SNX9: variants seen among roughly 807,000 people sequenced by gnomAD.
SNX9 encodes the protein sorting nexin-9.
SNX9 carries 44 observed loss-of-function variants against 89.4 expected under a neutral mutation model. The ratio of observed to expected loss-of-function variants is 0.49; its 90% CI spans 0.39 to 0.63. SNX9 has a LOEUF of 0.63. Among genes scored for constraint, SNX9 ranks in the 30% least tolerant of loss-of-function variants. The pLI is 0.00. For missense variants in SNX9, 578 were observed against 736.1 expected, an observed-to-expected ratio of 0.79 and a Z score of 2.49; for synonymous variants, 236 against 247.8, an observed-to-expected ratio of 0.95 and a Z score of 0.45.
chr6:157,864,382 C>T (rs1782209083), intron 1 of SNX9, among the ~76,000 whole-genome samples: 1 of 152,160 alleles, frequency 6.6e-6, no homozygotes, highest in African/African-American at 2.4e-5. Context: ...GGTCCAAACC[C>T]TCTAACCTTA....
intron 2 of SNX9, among the ~76,000 whole-genome samples, chr6:157,870,321 C>G (rs1382826752): frequency 2.7e-5 from 4 of 150,500 alleles, no homozygotes; most frequent in African/African-American, 9.8e-5. Flanking sequence ...CACACCTACT[C>G]TCTCACCTGC....
At chr6:157,845,295 G>C (rs1315743975) in intron 1 of SNX9, among the ~76,000 whole-genome samples, 1 of 151,828 alleles carries the variant, frequency 6.6e-6, no homozygotes, top group Admixed American at 6.6e-5. Flanking sequence ...TATTTTAGTA[G>C]AGACGGCGTT....
chr6:157,907,069 C>G (rs1297345928), intron 7 of SNX9, among the ~76,000 whole-genome samples: 3 of 152,122 alleles, frequency 2.0e-5, no homozygotes, highest in South Asian at 4.1e-4. Flanking sequence ...CTGGAAGCCT[C>G]CAAGCTGAAG....
At chr6:157,901,578 C>T (rs567930382) in intron 5 of SNX9, among the ~76,000 whole-genome samples, 5 of 151,646 alleles carry the variant, frequency 3.3e-5, no homozygotes, top group East Asian at 1.9e-4. Flanking sequence ...TTTCCCAGCA[C>T]GACTTACTAA....
In SNX9 at chr6:157,823,386, G is replaced by C; in HGVS notation, c.-49G>C. ...CCTGCGCGGCTCAGAATCACCATCCGCGGCGCGGGAGACGAGCCGGCCGTC... is the reference window on the plus strand; with the variant it reads ...CCTGCGCGGCTCAGAATCACCATCCCCGGCGCGGGAGACGAGCCGGCCGTC... On this transcript the variant is annotated 5_prime_UTR_variant, in exon 1 of 18. Coordinates refer to ENST00000392185, the MANE Select transcript of SNX9 (RefSeq NM_016224.5). This position sits in a 1 kb window ranked among gnomAD's most constrained non-coding sequence, Gnocchi z 4.6. 1 of 1,271,630 alleles carries C rather than the reference G, an allele frequency of 7.9e-7. No homozygotes were observed. The highest frequency in any genetic ancestry group is 1.0e-6 in the Non-Finnish European group (1 of 1,001,006). The allele number at this position is 1,271,630 out of a possible 1,614,324, so 78.8% of individuals were successfully genotyped here. A position where few individuals can be genotyped will look rare whatever the true frequency, so the allele number is the denominator to read the frequency against.
intron 9 of SNX9, among the ~76,000 whole-genome samples, chr6:157,912,440 A>T (rs1364786504): frequency 6.6e-6 from 1 of 152,200 alleles, no homozygotes; most frequent in Non-Finnish European, 1.5e-5. Flanking sequence ...TAAGTTCGGC[A>T]TGCAGCCAGG....
chr6:157,823,360 GC>G lies in SNX9; in HGVS notation c.-73del. On this transcript the variant is annotated 5_prime_UTR_variant, in exon 1 of 18. Coordinates refer to ENST00000392185, the MANE Select transcript of SNX9 (RefSeq NM_016224.5). The surrounding 1 kb of genome is among the most constrained non-coding windows in gnomAD (Gnocchi z 4.6). The stretch of plus-strand genomic sequence containing the variant: ...AGCCGCCGCCCTCGCCCTTGCCTTT[GC>G]CTGCGCGGCTCAGAATCACCATCCG... 8.0e-7 allele frequency: 1 copy of G among 1,253,346 alleles called. No individual in the cohort carries two copies. The highest frequency in any genetic ancestry group is 1.0e-6 in the Non-Finnish European group (1 of 988,660). 77.6% of individuals were successfully genotyped at this position (1,253,346 alleles called of 1,614,324 possible). A position where few individuals can be genotyped will look rare whatever the true frequency, so the allele number is the denominator to read the frequency against.
chr6:157,937,574 G>T (rs1390145652), intron 15 of SNX9, 51 bp downstream of exon 15: 1 of 1,185,486 alleles, frequency 8.4e-7, no homozygotes, highest in South Asian at 1.2e-5. Flanking sequence ...GAAGGAGGCA[G>T]ATGTGCGCAG....
intron 1 of SNX9, among the ~76,000 whole-genome samples, chr6:157,847,514 T>G (rs1781828372): frequency 6.6e-6 from 1 of 151,558 alleles, no homozygotes; most frequent in Non-Finnish European, 1.5e-5. Flanking sequence ...TCTATAGGAG[T>G]TTTCTTTCTG....
chr6:157,864,193 G>A (rs574312870), intron 1 of SNX9, among the ~76,000 whole-genome samples: 23 of 152,086 alleles, frequency 1.5e-4, no homozygotes, highest in Non-Finnish European at 1.5e-5. Flanking sequence ...CAGGGGTAAG[G>A]GTGTTGTGTC....
intron 5 of SNX9, among the ~76,000 whole-genome samples, chr6:157,901,248 C>T (rs1021185069): frequency 1.3e-5 from 2 of 152,228 alleles, no homozygotes; most frequent in African/African-American, 2.4e-5. Flanking sequence ...TCTTTTATTC[C>T]ATAGCAATAG....
Position 157,928,650 on chromosome 6 carries a change from C to T in SNX9, c.1236C>T (p.Gly412=), listed in dbSNP as rs1261398565. The T allele has an allele frequency of 2.5e-6, 4 of 1,610,376 alleles. No individual in the cohort carries two copies. Among genetic ancestry groups the T allele is most frequent in the Non-Finnish European group, 3.4e-6 (4 of 1,178,470 alleles). ...VGKFTKAMDD[G]VKELLTVGQE... ...AGTTCACCAAGGCCATGGATGACGGCGTGAAGGAGCTGCTGACGGTGGGGC... is the reference window on the plus strand; with the variant it reads ...AGTTCACCAAGGCCATGGATGACGGTGTGAAGGAGCTGCTGACGGTGGGGC... Residue 412 remains glycine, a synonymous_variant, in exon 12 of 18, where the codon GGC becomes GGT. Transcript: ENST00000392185.
chr6:157,909,851 TTTC>T, intron 8 of SNX9, 54 bp from the exon 9 acceptor site: 2 of 1,611,538 alleles, frequency 1.2e-6, no homozygotes, highest in East Asian at 4.5e-5. Context: ...AGCTTGCTTT[TTTC>T]TTCATTTTCT....
chr6:157,938,380 G>A (rs2115220157), intron 15 of SNX9, among the ~76,000 whole-genome samples: 1 of 152,292 alleles, frequency 6.6e-6, no homozygotes, highest in South Asian at 2.1e-4. Context: ...ATGGTGTGCT[G>A]TTTGCTTTTC....
chr6:157,833,926 C>G (rs1464951262), intron 1 of SNX9, among the ~76,000 whole-genome samples: 1 of 152,116 alleles, frequency 6.6e-6, no homozygotes, highest in African/African-American at 2.4e-5. Flanking sequence ...GTGAGAGAGG[C>G]TTATTGCCAG....
At chr6:157,858,605 C>T (rs116967026) in intron 1 of SNX9, among the ~76,000 whole-genome samples, 1,688 of 152,198 alleles carry the variant, frequency 0.011, 19 homozygotes, top group Middle Eastern at 0.02. Flanking sequence ...TTACTGTGGC[C>T]ATTGTTACAA....
At chr6:157,934,929 G>C (rs1162616641) in intron 13 of SNX9, among the ~76,000 whole-genome samples, 1 of 152,120 alleles carries the variant, frequency 6.6e-6, no homozygotes, top group African/African-American at 2.4e-5. Flanking sequence ...CCTATCAAAA[G>C]ACTTAGATAC....
chr6:157,913,014 T>C (rs1009377469), intron 9 of SNX9, among the ~76,000 whole-genome samples: 10 of 152,186 alleles, frequency 6.6e-5, no homozygotes, highest in African/African-American at 1.4e-4. Context: ...AAAATAAGGA[T>C]CACTAAATTT....
intron 4 of SNX9, among the ~76,000 whole-genome samples, chr6:157,877,731 T>A (rs551786614): frequency 6.6e-6 from 1 of 152,174 alleles, no homozygotes; most frequent in African/African-American, 2.4e-5. Flanking sequence ...CTCTCTCCTG[T>A]CCATCAGGCC....
Sources: allele counts gnomAD v4.1 joint callset (sites outside exome capture counted in the v4.1 genomes callset), GRCh38; gene constraint gnomAD v4.1.1; non-coding constraint Gnocchi (gnomAD v3.1); transcripts MANE v1.5; gene names NCBI Gene and HGNC (gene_info 2026-07-23, HGNC 2026-07-21).